Variants in TG observed in about 807,000 individuals in gnomAD.
The protein encoded by TG is thyroid hormones.
In TG, 270 loss-of-function variants were observed where a neutral mutation model predicts 324.7. The observed-to-expected ratio is 0.83, with a 90% CI of 0.75 to 0.92. The LOEUF is 0.92. Among genes scored for constraint, TG ranks in the 40% least tolerant of loss-of-function variants. TG has a pLI of 0.00. For missense variants in TG, 3,591 were observed against 3,456.4 expected (o/e 1.04, Z -0.98); for synonymous variants, 1,401 against 1,327.0 (o/e 1.06, Z -1.21).
chr8:132,972,370 A>G, intron 33 of TG: 1 of 590,490 alleles, frequency 1.7e-6, no homozygotes, highest in Non-Finnish European at 3.0e-6. Context: ...CCCTAAGCAC[A>G]TGTTAGGTGC....
intron 43 of TG, among the ~76,000 whole-genome samples, chr8:133,104,560 G>A (rs1283848053): frequency 2.0e-5 from 3 of 152,210 alleles, no homozygotes; most frequent in Non-Finnish European, 2.9e-5. Flanking sequence ...GGTCAGGGCT[G>A]TAGATACAGC....
intron 5 of TG, among the ~76,000 whole-genome samples, chr8:132,877,127 CTCTTATT>C (rs1262043305): frequency 6.6e-6 from 1 of 150,512 alleles, no homozygotes; most frequent in African/African-American, 2.5e-5. Flanking sequence ...CTACGGCCCC[CTCTTATT>C]TTATTTTATT....
At chr8:133,046,265 A>G (rs1333632144) in intron 41 of TG, among the ~76,000 whole-genome samples, 6 of 152,242 alleles carry the variant, frequency 3.9e-5, no homozygotes, top group Non-Finnish European at 5.9e-5. Context: ...AGCAATTGCC[A>G]TGAAATCTCT....
At chr8:132,970,325 A>G (rs1829330046) in intron 32 of TG, among the ~76,000 whole-genome samples, 1 of 152,054 alleles carries the variant, frequency 6.6e-6, no homozygotes, top group South Asian at 2.1e-4. Context: ...CATTAGAATC[A>G]CCCGGAGAGC....
chr8:133,033,442 G>A lies in TG; in HGVS notation c.7239+3419G>A, dbSNP rs559984385. Among the ~76,000 whole-genome samples the A allele has an allele frequency of 1.3e-4, 20 of 152,302 alleles. No homozygotes were observed. In the South Asian group the frequency reaches 3.7e-3, roughly 28 times the overall value. ...TCAGACAGGGAAGGTCATGTCCTCT[G>A]TGGTATGATTCACGGACCCAGAAAA... On this transcript the variant is annotated intron_variant, in intron 41 of 47. Transcript: ENST00000220616.
At chr8:132,986,467 A>C (rs1831567786) in intron 35 of TG, among the ~76,000 whole-genome samples, 1 of 151,828 alleles carries the variant, frequency 6.6e-6, no homozygotes, top group South Asian at 2.1e-4. Context: ...TCACTCATTC[A>C]TGCAGGCATG....
intron 30 of TG, among the ~76,000 whole-genome samples, chr8:132,967,037 CCCATCCAT>C (rs57588311): frequency 8.8e-4 from 128 of 146,082 alleles, no homozygotes; most frequent in African/African-American, 2.8e-3. Flanking sequence ...ATCCCATCCA[CCCATCCAT>C]CCATCCATCC....
At chr8:133,050,055 A>G in intron 41 of TG, 2 of 1,010,002 alleles carry the variant, frequency 2.0e-6, no homozygotes, top group Non-Finnish European at 1.6e-6. Flanking sequence ...ATGAATGAAC[A>G]GAGTAATCAG....
At chr8:133,000,260 G>C (rs1045615389) in intron 35 of TG, among the ~76,000 whole-genome samples, 10 of 152,176 alleles carry the variant, frequency 6.6e-5, no homozygotes, top group Admixed American at 2.6e-4. Context: ...GGCACACACA[G>C]GGGATGATGA....
At chr8:132,986,576 C>T (rs1428637707) in intron 35 of TG, among the ~76,000 whole-genome samples, 1 of 152,074 alleles carries the variant, frequency 6.6e-6, no homozygotes, top group East Asian at 1.9e-4. Context: ...ATATTGTTAA[C>T]AGAGATAGCT....
At chr8:132,995,410 G>A (rs1217710244) in intron 35 of TG, 2 of 985,128 alleles carry the variant, frequency 2.0e-6, no homozygotes, top group African/African-American at 1.7e-5. Context: ...GAGTCTGTCT[G>A]TGTTCAAGGC....
chr8:133,018,279 G>A (rs1835240801), intron 38 of TG, among the ~76,000 whole-genome samples: 2 of 152,204 alleles, frequency 1.3e-5, no homozygotes, highest in South Asian at 2.1e-4. Flanking sequence ...TGGAGGCTCT[G>A]CCTTCTTCAG....
chr8:133,112,929 G>A (rs137986906), intron 43 of TG, among the ~76,000 whole-genome samples: 9 of 152,280 alleles, frequency 5.9e-5, no homozygotes, highest in Non-Finnish European at 8.8e-5. Flanking sequence ...CTGGTGAAGC[G>A]TAACTATCTG....
At chr8:132,929,051 T>G (rs763694530) in intron 22 of TG, 25 bp from the exon 23 acceptor site, 14 of 1,602,300 alleles carry the variant, frequency 8.7e-6, no homozygotes, top group Admixed American at 3.3e-5. Flanking sequence ...CTGAGTCAGA[T>G]TTACTAAATC....
chr8:132,964,737 A>G, intron 29 of TG: 2 of 596,788 alleles, frequency 3.4e-6, no homozygotes, highest in Non-Finnish European at 3.0e-6. Flanking sequence ...ATTTTTGAGC[A>G]CATGTGGCTG....
At chr8:132,908,042 A>G in intron 17 of TG, 144 bp from the exon 18 acceptor site, 3 of 935,984 alleles carry the variant, frequency 3.2e-6, no homozygotes, top group Non-Finnish European at 5.0e-6. Context: ...GAAAGTACTT[A>G]GACTCAGAAT....
At chr8:132,899,321 C>G (rs1196019774) in intron 14 of TG, among the ~76,000 whole-genome samples, 2 of 152,210 alleles carry the variant, frequency 1.3e-5, no homozygotes, top group Non-Finnish European at 2.9e-5. Flanking sequence ...CTCCCTAGCT[C>G]CCGGGGTGAT....
chr8:133,061,451 T>C (rs1789170192), intron 41 of TG, among the ~76,000 whole-genome samples: 1 of 152,242 alleles, frequency 6.6e-6, no homozygotes, highest in Admixed American at 6.5e-5. Flanking sequence ...TTACTCTGTT[T>C]ACTGATTGTC....
At chr8:132,913,978 T>G (rs573953367) in intron 20 of TG, among the ~76,000 whole-genome samples, 1 of 152,350 alleles carries the variant, frequency 6.6e-6, no homozygotes, top group African/African-American at 2.4e-5. Context: ...CTATATTTCT[T>G]GGCTGGTGGC....
Sources: allele counts gnomAD v4.1 joint callset (sites outside exome capture counted in the v4.1 genomes callset), GRCh38; gene constraint gnomAD v4.1.1; transcripts MANE v1.5; gene names NCBI Gene and HGNC (gene_info 2026-07-23, HGNC 2026-07-21).